ASTN2: variants seen among roughly 807,000 people sequenced by gnomAD.
The protein encoded by ASTN2 is astrotactin-2.
ASTN2 carries 54 observed loss-of-function variants against 139.8 expected under a neutral mutation model. That is an observed-to-expected ratio of 0.39 (90% CI 0.31 to 0.48). The LOEUF is 0.48. Ranked by LOEUF, ASTN2 falls within the 20% of genes least tolerant of loss-of-function variation. The pLI, the probability that ASTN2 is intolerant of heterozygous loss-of-function variation, is 0.95. For missense variants in ASTN2, 1,565 were observed against 1,725.1 expected (o/e 0.91, Z 1.64); for synonymous variants, 756 against 719.5 (o/e 1.05, Z -0.81).
At chr9:117,211,447 G>A (rs1349618001) in intron 3 of ASTN2, among the ~76,000 whole-genome samples, 4 of 152,112 alleles carry the variant, frequency 2.6e-5, no homozygotes, top group Non-Finnish European at 5.9e-5. Context: ...CACGAGATCT[G>A]TTTGTTTAAA....
At chr9:117,151,352 C>T (rs949634403) in intron 3 of ASTN2, among the ~76,000 whole-genome samples, 1 of 152,132 alleles carries the variant, frequency 6.6e-6, no homozygotes, top group African/African-American at 2.4e-5. Flanking sequence ...CATCATATGG[C>T]TCAGAACTCC....
chr9:117,200,272 T>C (rs968848483), intron 3 of ASTN2, among the ~76,000 whole-genome samples: 5 of 142,166 alleles, frequency 3.5e-5, no homozygotes, highest in African/African-American at 1.3e-4. Context: ...TGATGTTCGA[T>C]GGGGTTTTCT....
chr9:116,725,746 C>A, intron 16 of ASTN2, 25 bp downstream of exon 16: 3 of 1,606,886 alleles, frequency 1.9e-6, no homozygotes, highest in Non-Finnish European at 2.5e-6. Context: ...CTGGCCACCT[C>A]CTACAGTAGG....
chr9:117,046,640 A>T (rs1420369798), intron 5 of ASTN2, among the ~76,000 whole-genome samples: 1 of 152,170 alleles, frequency 6.6e-6, no homozygotes, highest in East Asian at 1.9e-4. Flanking sequence ...TAACTTTCAC[A>T]CTTAGCTGCT....
intron 20 of ASTN2, among the ~76,000 whole-genome samples, chr9:116,454,827 G>A (rs1192449642): frequency 2.0e-5 from 3 of 152,126 alleles, no homozygotes; most frequent in African/African-American, 4.8e-5. Flanking sequence ...CTCATAGGTG[G>A]GAATTGAACA....
At chr9:116,482,736 C>T (rs897554214) in intron 20 of ASTN2, among the ~76,000 whole-genome samples, 34 of 152,302 alleles carry the variant, frequency 2.2e-4, no homozygotes, top group South Asian at 2.1e-4. Context: ...CTACCCACCC[C>T]GCTAAGATAG....
At chr9:117,113,214 C>T (rs1169548912) in intron 4 of ASTN2, among the ~76,000 whole-genome samples, 2 of 152,176 alleles carry the variant, frequency 1.3e-5, no homozygotes, top group African/African-American at 4.8e-5. Context: ...CCAAATAACC[C>T]AGATATCCCA....
chr9:116,481,969 T>C (rs1008863508), intron 20 of ASTN2, among the ~76,000 whole-genome samples: 33 of 152,236 alleles, frequency 2.2e-4, no homozygotes, highest in African/African-American at 5.1e-4. Context: ...TTATGTGACA[T>C]TGGGGAAAAT....
At position 116,533,776 on chromosome 9, in the gene ASTN2, A is replaced by T. The variant is rs577926058; in HGVS notation, c.3356-46276T>A. Reference sequence around the variant, plus strand: ...GATTCGGTTTGCCAGTATTTTATTGAAGATTTTTGCATCGATGTTCATCAG... The same window carrying T: ...GATTCGGTTTGCCAGTATTTTATTGTAGATTTTTGCATCGATGTTCATCAG... On this transcript the variant is annotated intron_variant, in intron 19 of 22. Coordinates refer to ENST00000313400, the MANE Select transcript of ASTN2 (RefSeq NM_001365068.1). Among the ~76,000 whole-genome samples, 207 of 152,302 alleles carry T rather than the reference A, an allele frequency of 1.4e-3. 3 individuals are homozygous for T. The highest frequency in any genetic ancestry group is 4.6e-3 in the African/African-American group (192 of 41,560).
chr9:117,344,891 A>G (rs1053920475), intron 1 of ASTN2, among the ~76,000 whole-genome samples: 2 of 152,136 alleles, frequency 1.3e-5, no homozygotes, highest in Non-Finnish European at 2.9e-5. Flanking sequence ...TGTATTTTTC[A>G]TCCAAACATA....
intron 5 of ASTN2, among the ~76,000 whole-genome samples, chr9:117,082,206 C>G (rs753838152): frequency 3.3e-4 from 50 of 152,144 alleles, no homozygotes; most frequent in Non-Finnish European, 6.8e-4. Context: ...GCAGCAGCTC[C>G]AAAATCCAAC....
At chr9:116,678,247 T>C (rs985333171) in intron 16 of ASTN2, among the ~76,000 whole-genome samples, 1 of 152,216 alleles carries the variant, frequency 6.6e-6, no homozygotes, top group African/African-American at 2.4e-5. Flanking sequence ...CATTAGATTA[T>C]AGATAAGGCC....
At chr9:117,347,964 A>G (rs1341768795) in intron 1 of ASTN2, among the ~76,000 whole-genome samples, 1 of 152,228 alleles carries the variant, frequency 6.6e-6, no homozygotes, top group Non-Finnish European at 1.5e-5. Flanking sequence ...TTGGAAACTA[A>G]AGGAAATGAA....
intron 10 of ASTN2, among the ~76,000 whole-genome samples, chr9:116,903,146 A>G (rs571496509): frequency 6.6e-6 from 1 of 152,148 alleles, no homozygotes; most frequent in African/African-American, 2.4e-5. Flanking sequence ...TATTCTTGGG[A>G]GAGCTTCCCT....
intron 17 of ASTN2, among the ~76,000 whole-genome samples, chr9:116,630,013 T>C (rs4836791): frequency 0.028 from 4,281 of 152,296 alleles, 105 homozygotes; most frequent in Non-Finnish European, 0.043. Context: ...CTATCTCACA[T>C]AGAAGATGAA....
chr9:117,041,976 T>C (rs905007524), intron 5 of ASTN2, among the ~76,000 whole-genome samples: 4 of 152,136 alleles, frequency 2.6e-5, no homozygotes, highest in African/African-American at 4.8e-5. Context: ...GTCTAGTAAA[T>C]AGACAGCCAA....
chr9:116,518,120 TA>T (rs1200348652), intron 19 of ASTN2, among the ~76,000 whole-genome samples: 1 of 152,118 alleles, frequency 6.6e-6, no homozygotes, highest in African/African-American at 2.4e-5. Context: ...CCAGCCTTGC[TA>T]GAGGTCTACA....
chr9:116,490,251 A>G (rs1849469374), intron 19 of ASTN2, among the ~76,000 whole-genome samples: 1 of 139,874 alleles, frequency 7.1e-6, no homozygotes, highest in Non-Finnish European at 1.5e-5. Flanking sequence ...CAAATTCCAG[A>G]GCAATGTATG....
intron 20 of ASTN2, among the ~76,000 whole-genome samples, chr9:116,470,452 T>C (rs1212529877): frequency 6.6e-6 from 1 of 152,164 alleles, no homozygotes; most frequent in Non-Finnish European, 1.5e-5. Flanking sequence ...TGCTACTGAC[T>C]TGTGGCATGG....
Sources: allele counts gnomAD v4.1 joint callset (sites outside exome capture counted in the v4.1 genomes callset), GRCh38; gene constraint gnomAD v4.1.1; transcripts MANE v1.5; gene names NCBI Gene and HGNC (gene_info 2026-07-23, HGNC 2026-07-21).